SLIT2: variants seen among roughly 807,000 people sequenced by gnomAD.
The protein encoded by SLIT2 is slit guidance ligand 2, also known as slit homolog 2 protein.
A neutral mutation model predicts 185.7 loss-of-function variants in SLIT2; 41 were observed. That is an observed-to-expected ratio of 0.22 (90% confidence interval 0.17 to 0.29). The LOEUF is 0.29. Among genes scored for constraint, SLIT2 ranks in the 10% least tolerant of loss-of-function variants. The pLI, the probability that SLIT2 is intolerant of heterozygous loss-of-function variation, is 1.00. For missense variants in SLIT2, 1,571 were observed against 1,909.0 expected, an observed-to-expected ratio of 0.82 and a Z score of 3.30; for synonymous variants, 693 against 680.2, an observed-to-expected ratio of 1.02 and a Z score of -0.29.
intron 11 of SLIT2, among the ~76,000 whole-genome samples, chr4:20,512,422 A>G (rs1446958614): frequency 1.3e-5 from 2 of 152,208 alleles, no homozygotes; most frequent in Non-Finnish European, 2.9e-5. Flanking sequence ...GAAAATGGAA[A>G]ACTGTTACTT....
intron 4 of SLIT2, among the ~76,000 whole-genome samples, chr4:20,301,471 T>C (rs1251301308): frequency 1.3e-5 from 2 of 152,104 alleles, no homozygotes; most frequent in East Asian, 3.9e-4. Context: ...TTTGCACCAA[T>C]GGCCAGGCAT....
chr4:20,402,974 T>C (rs747628079), intron 4 of SLIT2, among the ~76,000 whole-genome samples: 1 of 151,786 alleles, frequency 6.6e-6, no homozygotes, highest in African/African-American at 2.4e-5. Flanking sequence ...ATATCTAAAT[T>C]ATTTTCATTA....
In SLIT2 at chr4:20,568,869, A is replaced by G; in HGVS notation, c.2953A>G (p.Ile985Val). The G allele has an allele frequency of 6.2e-7, 1 of 1,612,016 alleles. No homozygotes were observed. The highest frequency in any genetic ancestry group is 8.5e-7 in the Non-Finnish European group (1 of 1,178,532). ...KEGEEDGFWC[I>V]CADGFEGENC... ...CTTTTCTCCTCTGGCATTCAGGTGT[A>G]TTTGTGCTGATGGATTTGAAGGAGA... Residue 985 changes from isoleucine to valine, a missense_variant, in exon 29 of 37, where the codon ATT (isoleucine) becomes GTT (valine). Transcript: ENST00000504154.
chr4:20,563,303 G>A (rs943501765), intron 26 of SLIT2, among the ~76,000 whole-genome samples: 3 of 151,718 alleles, frequency 2.0e-5, no homozygotes, highest in Admixed American at 6.6e-5. Context: ...CTGAAGCTAC[G>A]TTTCCTTTCC....
chr4:20,525,111 AG>A (rs1407453542), intron 14 of SLIT2, 37 bp from the exon 15 acceptor site: 1 of 1,511,474 alleles, frequency 6.6e-7, no homozygotes, highest in African/African-American at 1.4e-5. Flanking sequence ...GCTGACATTC[AG>A]GTGCATCTTC....
chr4:20,288,602 A>G (rs961285998), intron 4 of SLIT2, among the ~76,000 whole-genome samples: 28 of 152,222 alleles, frequency 1.8e-4, no homozygotes, highest in African/African-American at 6.5e-4. Flanking sequence ...TTTAACAATA[A>G]GACATAAAAC....
chr4:20,278,281 C>T (rs772520800), intron 4 of SLIT2, among the ~76,000 whole-genome samples: 1 of 151,856 alleles, frequency 6.6e-6, no homozygotes, highest in South Asian at 2.1e-4. Flanking sequence ...AAAACCCACT[C>T]TCTGTCTTAT....
chr4:20,317,147 G>A (rs1471693903), intron 4 of SLIT2, among the ~76,000 whole-genome samples: 1 of 151,868 alleles, frequency 6.6e-6, no homozygotes, highest in African/African-American at 2.4e-5. Flanking sequence ...ACATAGGAGA[G>A]TAATATCTCC....
At chr4:20,445,589 G>C (rs1711677569) in intron 4 of SLIT2, among the ~76,000 whole-genome samples, 1 of 152,100 alleles carries the variant, frequency 6.6e-6, no homozygotes, top group Non-Finnish European at 1.5e-5. Context: ...TTAATACAGA[G>C]GATCTATTAG....
At chr4:20,485,619 A>G (rs2148787619) in intron 6 of SLIT2, among the ~76,000 whole-genome samples, 1 of 152,290 alleles carries the variant, frequency 6.6e-6, no homozygotes, top group South Asian at 2.1e-4. Flanking sequence ...GTGCTACAGC[A>G]AGTTACTTCA....
rs560043635 is a variant in SLIT2 at position 20,330,355 on chromosome 4, A to C, written c.395+61474A>C. The stretch of plus-strand genomic sequence containing the variant: ...ACTGAAATCTTAAATGTAACTGTGC[A>C]AAGTATGAAATAAAAGTAGTGTATT... On this transcript the variant is annotated intron_variant, in intron 4 of 36. Coordinates refer to ENST00000504154, the MANE Select transcript of SLIT2 (RefSeq NM_004787.4). 1.4e-4 allele frequency among the ~76,000 whole-genome samples: 22 copies of C among 152,280 alleles called. No individual in the cohort carries two copies. The South Asian group carries it at 4.6e-3, about 32-fold the overall frequency.
chr4:20,281,561 G>C (rs1483279581), intron 4 of SLIT2, among the ~76,000 whole-genome samples: 3 of 152,144 alleles, frequency 2.0e-5, no homozygotes, highest in African/African-American at 7.2e-5. Flanking sequence ...CTCTGACTTG[G>C]TGTGGGTTTT....
intron 4 of SLIT2, among the ~76,000 whole-genome samples, chr4:20,370,984 C>T (rs893139366): frequency 6.6e-6 from 1 of 152,080 alleles, no homozygotes; most frequent in Non-Finnish European, 1.5e-5. Context: ...AATTGATCAT[C>T]GTATCCCCTT....
At chr4:20,376,056 A>G (rs1362923615) in intron 4 of SLIT2, among the ~76,000 whole-genome samples, 2 of 151,544 alleles carry the variant, frequency 1.3e-5, no homozygotes, top group Non-Finnish European at 2.9e-5. Context: ...TAACATATCT[A>G]TAAAAGAAAT....
At chr4:20,468,005 T>C (rs1345585652) in intron 5 of SLIT2, among the ~76,000 whole-genome samples, 182 bp downstream of exon 5, 2 of 152,144 alleles carry the variant, frequency 1.3e-5, no homozygotes, top group African/African-American at 4.8e-5. Context: ...GAGATGCTCA[T>C]TTAGAAGATG....
At chr4:20,386,140 A>G (rs925740435) in intron 4 of SLIT2, among the ~76,000 whole-genome samples, 1 of 152,170 alleles carries the variant, frequency 6.6e-6, no homozygotes, top group African/African-American at 2.4e-5. Context: ...ATAAGAGAAT[A>G]ATTTGGGCTT....
At chr4:20,491,738 A>T in intron 8 of SLIT2, 23 bp from the exon 9 acceptor site, 1 of 1,600,406 alleles carries the variant, frequency 6.2e-7, no homozygotes, top group Non-Finnish European at 8.5e-7. Context: ...GAAAAATATA[A>T]TTCCTGTTTA....
At chr4:20,462,042 A>T (rs1713776327) in intron 4 of SLIT2, among the ~76,000 whole-genome samples, 1 of 152,158 alleles carries the variant, frequency 6.6e-6, no homozygotes, top group Non-Finnish European at 1.5e-5. Flanking sequence ...GGGAGGGTCT[A>T]AAATGGTAAT....
chr4:20,326,404 C>A (rs2109184176), intron 4 of SLIT2, among the ~76,000 whole-genome samples: 1 of 152,064 alleles, frequency 6.6e-6, no homozygotes, highest in East Asian at 1.9e-4. Flanking sequence ...GCATTTGATT[C>A]TTCTGAACCC....
Sources: gnomAD v4.1 joint callset for allele counts (sites outside exome capture counted in the v4.1 genomes callset) on GRCh38, gnomAD v4.1.1 for gene constraint, MANE v1.5 for transcripts, NCBI Gene and HGNC (gene_info 2026-07-23, HGNC 2026-07-21) for gene names.